GRID2: variants seen among roughly 807,000 people sequenced by gnomAD.
The protein encoded by GRID2 is glutamate receptor ionotropic, delta-2.
A neutral mutation model predicts 114.8 loss-of-function variants in GRID2; 33 were observed. The observed-to-expected ratio is 0.29, with a 90% CI of 0.22 to 0.38. The LOEUF is 0.38. Ranked by LOEUF, GRID2 falls within the 10% of genes least tolerant of loss-of-function variation. The pLI is 1.00. For synonymous variants in GRID2, 505 were observed against 449.9 expected (o/e 1.12, Z -1.55); for missense variants, 1,184 against 1,257.7 (o/e 0.94, Z 0.89).
At chr4:92,819,039 G>C (rs1741096377) in intron 2 of GRID2, among the ~76,000 whole-genome samples, 2 of 152,164 alleles carry the variant, frequency 1.3e-5, no homozygotes, top group Middle Eastern at 3.4e-3. Context: ...AATGGGCACT[G>C]AATCAGAACT....
chr4:93,324,127 GT>G (rs1757559137), intron 8 of GRID2, among the ~76,000 whole-genome samples: 1 of 152,120 alleles, frequency 6.6e-6, no homozygotes, highest in South Asian at 2.1e-4. Context: ...TCTTGTGCCA[GT>G]TTTCAAAGAG....
At position 92,323,080 on chromosome 4, in the gene GRID2, T is replaced by C. The variant is rs529884346; in HGVS notation, c.88+18336T>C. 2.6e-5 allele frequency among the ~76,000 whole-genome samples: 4 copies of C among 152,242 alleles called. No homozygotes were observed. The East Asian group carries it at 7.7e-4, about 29-fold the overall frequency. ...CCAACCTCAAATGCTTTTACAAGTA[T>C]TCTCACATGGAGTGTACTGTTTTTT... On this transcript the variant is annotated intron_variant, in intron 1 of 15. Transcript: ENST00000282020.
rs566944664 is a variant in GRID2 at position 92,393,462 on chromosome 4, C to T, written c.88+88718C>T. Reference sequence around the variant, plus strand: ...AATTTTTATTTCCTAAACTTCCCTGCACTCAACCTACATATACTCTGAACA... The same window carrying T: ...AATTTTTATTTCCTAAACTTCCCTGTACTCAACCTACATATACTCTGAACA... On this transcript the variant is annotated intron_variant, in intron 1 of 15. Transcript: ENST00000282020. Among the ~76,000 whole-genome samples, 9 of 152,232 alleles carry T rather than the reference C, an allele frequency of 5.9e-5. No homozygotes were observed. The South Asian group carries it at 1.9e-3, about 32-fold the overall frequency.
chr4:93,027,852 A>G (rs1173334526), intron 2 of GRID2, among the ~76,000 whole-genome samples: 1 of 152,148 alleles, frequency 6.6e-6, no homozygotes, highest in African/African-American at 2.4e-5. Flanking sequence ...AAAGCACCAC[A>G]CATACCTATT....
At chr4:93,789,540 A>T (rs539377953) in intron 1 of GRID2, among the ~76,000 whole-genome samples, 1 of 152,342 alleles carries the variant, frequency 6.6e-6, no homozygotes, top group South Asian at 2.1e-4. Flanking sequence ...AGCACAAAAA[A>T]GTACATTCTT....
At chr4:93,330,002 G>T (rs1357690270) in intron 8 of GRID2, among the ~76,000 whole-genome samples, 2 of 151,884 alleles carry the variant, frequency 1.3e-5, no homozygotes, top group Admixed American at 1.3e-4. Context: ...CACTAAACTG[G>T]CCATAAAATA....
At chr4:93,726,679 T>C (rs1330252911) in intron 14 of GRID2, among the ~76,000 whole-genome samples, 2 of 152,134 alleles carry the variant, frequency 1.3e-5, no homozygotes, top group Non-Finnish European at 2.9e-5. Context: ...GGTTTGTAGT[T>C]CTCCTTGAAG....
intron 2 of GRID2, among the ~76,000 whole-genome samples, chr4:92,798,823 A>G (rs1740013613): frequency 6.6e-6 from 1 of 152,030 alleles, no homozygotes; most frequent in South Asian, 2.1e-4. Flanking sequence ...AGAGTTACCA[A>G]GTCAGCAAGG....
At chr4:92,442,878 G>T (rs1226496392) in intron 1 of GRID2, among the ~76,000 whole-genome samples, 1 of 152,130 alleles carries the variant, frequency 6.6e-6, no homozygotes, top group African/African-American at 2.4e-5. Context: ...AAATTGTTGG[G>T]CAGGAGGGGG....
At chr4:92,620,483 C>A (rs1730216267) in intron 2 of GRID2, among the ~76,000 whole-genome samples, 1 of 151,592 alleles carries the variant, frequency 6.6e-6, no homozygotes, top group African/African-American at 2.4e-5. Context: ...AAAAGAGAGA[C>A]TCAAAGAACG....
intron 1 of GRID2, among the ~76,000 whole-genome samples, chr4:92,532,562 G>GA (rs1369493272): frequency 6.6e-6 from 1 of 152,028 alleles, no homozygotes; most frequent in Non-Finnish European, 1.5e-5. Flanking sequence ...ATTCAATTAT[G>GA]TTTATAATTG....
chr4:93,304,082 A>T (rs1331941111), intron 8 of GRID2, among the ~76,000 whole-genome samples: 4 of 151,542 alleles, frequency 2.6e-5, no homozygotes, highest in African/African-American at 7.2e-5. Flanking sequence ...GGAAATTTTT[A>T]AAAATATATA....
intron 14 of GRID2, among the ~76,000 whole-genome samples, chr4:93,646,201 A>G (rs1043753929): frequency 3.3e-5 from 5 of 152,210 alleles, no homozygotes; most frequent in Non-Finnish European, 5.9e-5. Context: ...ATAATTTTAT[A>G]TTGGAAAATT....
At chr4:93,207,031 A>G (rs1449523907) in intron 4 of GRID2, among the ~76,000 whole-genome samples, 1 of 152,108 alleles carries the variant, frequency 6.6e-6, no homozygotes, top group Non-Finnish European at 1.5e-5. Context: ...TATTAGGTAG[A>G]TGATAAAAAG....
chr4:92,540,169 G>A (rs943595807), intron 1 of GRID2, among the ~76,000 whole-genome samples: 1 of 152,124 alleles, frequency 6.6e-6, no homozygotes, highest in African/African-American at 2.4e-5. Context: ...AGACTTCAAT[G>A]TTAGACCTAA....
At chr4:92,678,036 G>T (rs1733463747) in intron 2 of GRID2, among the ~76,000 whole-genome samples, 1 of 151,890 alleles carries the variant, frequency 6.6e-6, no homozygotes, top group African/African-American at 2.4e-5. Context: ...CCACCTTAGG[G>T]GCTTTGCACT....
At chr4:92,981,842 A>G (rs929747293) in intron 2 of GRID2, among the ~76,000 whole-genome samples, 1 of 151,936 alleles carries the variant, frequency 6.6e-6, no homozygotes, top group African/African-American at 2.4e-5. Flanking sequence ...TTCCATTTTA[A>G]TTCTTTGTTA....
At chr4:93,440,423 T>C (rs1227634532) in intron 10 of GRID2, among the ~76,000 whole-genome samples, 1 of 152,062 alleles carries the variant, frequency 6.6e-6, no homozygotes, top group Non-Finnish European at 1.5e-5. Context: ...CTTTCATTCT[T>C]ACATGAGATT....
At chr4:93,562,240 C>A (rs1482121396) in intron 13 of GRID2, among the ~76,000 whole-genome samples, 9 of 151,504 alleles carry the variant, frequency 5.9e-5, no homozygotes, top group Admixed American at 5.9e-4. Flanking sequence ...GTAGTGATAG[C>A]TCATTATTGT....
Sources: allele counts gnomAD v4.1 joint callset (sites outside exome capture counted in the v4.1 genomes callset), GRCh38; gene constraint gnomAD v4.1.1; transcripts MANE v1.5; gene names NCBI Gene and HGNC (gene_info 2026-07-23, HGNC 2026-07-21).